RHBDL2: variants seen among roughly 807,000 people sequenced by gnomAD.
The protein encoded by RHBDL2 is rhomboid-related protein 2.
RHBDL2 carries 26 observed loss-of-function variants against 31.7 expected under a neutral mutation model. The observed-to-expected ratio is 0.82, with a 90% confidence interval of 0.60 to 1.14. RHBDL2 has a LOEUF of 1.14. RHBDL2 is among the 50% of genes most tolerant of loss of function. The pLI is 0.00. For missense variants in RHBDL2, 336 were observed against 364.4 expected (o/e 0.92, Z 0.63); for synonymous variants, 123 against 127.2 (o/e 0.97, Z 0.22).
intron 2 of RHBDL2, among the ~76,000 whole-genome samples, chr1:38,916,111 G>A (rs948477958): frequency 6.6e-6 from 1 of 152,154 alleles, no homozygotes; most frequent in Non-Finnish European, 1.5e-5. Flanking sequence ...AATAGAGCAG[G>A]GAAAGGGAAA....
chr1:38,935,222 G>T (rs374957879), intron 1 of RHBDL2, among the ~76,000 whole-genome samples: 160 of 152,216 alleles, frequency 1.1e-3, no homozygotes, highest in African/African-American at 3.7e-3. Flanking sequence ...AAATCAAAGA[G>T]ATTTTCTGTC....
rs1642856110 is a variant in RHBDL2, at chr1:38,891,636, A to G, written c.670+1528T>C. 1.3e-5 allele frequency among the ~76,000 whole-genome samples: 2 copies of G among 152,258 alleles called. 1 individual carries two copies. On this transcript the variant is annotated intron_variant, in intron 6 of 7. Transcript: ENST00000372990. The stretch of plus-strand genomic sequence containing the variant: ...TTAGGTTTTGAATTTGTTATGAAGA[A>G]AAAAGTTAAGAATAGTATAAACTAT...
chr1:38,908,447 G>T lies in RHBDL2; in HGVS notation c.508+2875C>A, dbSNP rs971529856. Among the ~76,000 whole-genome samples, 3 of 147,750 alleles carry T rather than the reference G, an allele frequency of 2.0e-5. No individual in the cohort carries two copies. In the East Asian group the frequency reaches 6.1e-4, roughly 30 times the overall value. ...GAATCACTTGAACCCAGGAGGTGGA[G>T]GTTGCTGTGAGCTGAGACTGCACCA... is the stretch of plus-strand genomic sequence containing the variant. On this transcript the variant is annotated intron_variant, in intron 4 of 7. Transcript: ENST00000372990.
chr1:38,934,740 G>A lies in RHBDL2; in HGVS notation c.-126+6942C>T, dbSNP rs565722046. Among the ~76,000 whole-genome samples, 91 of 150,022 alleles carry A rather than the reference G, an allele frequency of 6.1e-4. 1 individual carries two copies. The highest frequency in any genetic ancestry group is 2.1e-3 in the South Asian group (10 of 4,764). ...TGGGGGGCCGAGGCGGGCAGATCAC[G>A]AGGTCAAGAGTTTGAGACCAGCCTG... On this transcript the variant is annotated intron_variant, in intron 1 of 7. Transcript: ENST00000372990.
intron 3 of RHBDL2, among the ~76,000 whole-genome samples, chr1:38,912,871 A>G (rs1643168391): frequency 7.0e-6 from 1 of 143,752 alleles, no homozygotes; most frequent in Admixed American, 6.9e-5. Context: ...AAGCTAAGTA[A>G]CTACCATATA....
intron 1 of RHBDL2, among the ~76,000 whole-genome samples, chr1:38,928,997 G>A (rs1224738014): frequency 1.3e-5 from 2 of 152,076 alleles, no homozygotes; most frequent in Non-Finnish European, 2.9e-5. Flanking sequence ...CTTGAAACGG[G>A]GAGTTCAAGA....
rs921625485 is a variant in RHBDL2 at position 38,910,369 on chromosome 1, T to G, written c.508+953A>C. 4.6e-5 allele frequency among the ~76,000 whole-genome samples: 7 copies of G among 152,312 alleles called. No individual in the cohort carries two copies. The East Asian group carries it at 9.6e-4, about 21-fold the overall frequency. ...GCTGGTTTAAAGGGTACATAAGACCTCTAGGCATTATTTCTAACAACTGCA... is the reference window on the plus strand; with the variant it reads ...GCTGGTTTAAAGGGTACATAAGACCGCTAGGCATTATTTCTAACAACTGCA... On this transcript the variant is annotated intron_variant, in intron 4 of 7. Coordinates refer to ENST00000372990, the MANE Select transcript of RHBDL2 (RefSeq NM_017821.5).
At chr1:38,896,644 A>G (rs1172621480) in intron 4 of RHBDL2, among the ~76,000 whole-genome samples, 1 of 152,314 alleles carries the variant, frequency 6.6e-6, no homozygotes, top group South Asian at 2.1e-4. Context: ...TCTAATAGCT[A>G]TCTTTCTCAA....
intron 1 of RHBDL2, among the ~76,000 whole-genome samples, chr1:38,919,958 CTT>C (rs1189667104): frequency 1.3e-5 from 2 of 152,242 alleles, no homozygotes; most frequent in East Asian, 3.9e-4. Context: ...AGTTCCAAAA[CTT>C]TTTCATCACA....
intron 4 of RHBDL2, among the ~76,000 whole-genome samples, chr1:38,907,598 TG>T (rs1170332931): frequency 3.3e-5 from 5 of 152,192 alleles, no homozygotes; most frequent in African/African-American, 1.2e-4. Context: ...CCTGGTGCAG[TG>T]GCTCATGCCT....
intron 6 of RHBDL2, among the ~76,000 whole-genome samples, chr1:38,891,334 A>G (rs1642852995): frequency 6.6e-6 from 1 of 152,076 alleles, no homozygotes; most frequent in Non-Finnish European, 1.5e-5. Context: ...ACAAAATTAT[A>G]TACATTTCCA....
At chr1:38,929,304 T>C (rs995333858) in intron 1 of RHBDL2, 2 of 902,850 alleles carry the variant, frequency 2.2e-6, no homozygotes, top group African/African-American at 3.5e-5. Context: ...CCATCCCCAC[T>C]GCTACGACGA....
At chr1:38,890,008 G>T (rs1011678293) in intron 6 of RHBDL2, among the ~76,000 whole-genome samples, 2 of 151,400 alleles carry the variant, frequency 1.3e-5, no homozygotes, top group African/African-American at 4.9e-5. Flanking sequence ...ATTACACAAA[G>T]TGCTAGATTC....
chr1:38,899,612 G>T (rs951952125), intron 4 of RHBDL2, among the ~76,000 whole-genome samples: 1 of 152,228 alleles, frequency 6.6e-6, no homozygotes, highest in Non-Finnish European at 1.5e-5. Context: ...GCCACAGCCA[G>T]GTTTCCCTTA....
chr1:38,917,722 C>T (rs1262829516), intron 2 of RHBDL2, among the ~76,000 whole-genome samples: 2 of 152,230 alleles, frequency 1.3e-5, no homozygotes, highest in South Asian at 2.1e-4. Context: ...CCTAAACAGA[C>T]TTGACCACAG....
At chr1:38,907,988 T>C (rs1246652941) in intron 4 of RHBDL2, among the ~76,000 whole-genome samples, 3 of 151,818 alleles carry the variant, frequency 2.0e-5, no homozygotes, top group African/African-American at 7.3e-5. Flanking sequence ...AAACTACATA[T>C]TCAGCTAAGG....
chr1:38,928,738 G>T (rs2124350472), intron 1 of RHBDL2, among the ~76,000 whole-genome samples: 1 of 152,146 alleles, frequency 6.6e-6, no homozygotes, highest in East Asian at 2.0e-4. Context: ...GAACCACTGT[G>T]CCTGGCCATG....
intron 1 of RHBDL2, among the ~76,000 whole-genome samples, chr1:38,928,194 T>C (rs1283963909): frequency 4.1e-5 from 6 of 147,900 alleles, no homozygotes; most frequent in African/African-American, 1.5e-4. Context: ...CAGGCTGGAA[T>C]GCAGTGGTGC....
At chr1:38,902,070 A>G (rs989894327) in intron 4 of RHBDL2, among the ~76,000 whole-genome samples, 4 of 151,724 alleles carry the variant, frequency 2.6e-5, no homozygotes, top group African/African-American at 7.2e-5. Flanking sequence ...TTATTTTCAA[A>G]TGTACAAAGA....
Sources: gnomAD v4.1 joint callset for allele counts (sites outside exome capture counted in the v4.1 genomes callset) on GRCh38, gnomAD v4.1.1 for gene constraint, MANE v1.5 for transcripts, NCBI Gene and HGNC (gene_info 2026-07-23, HGNC 2026-07-21) for gene names.